Variants in CFAP61 observed in about 807,000 individuals in gnomAD.
CFAP61 encodes cilia- and flagella-associated protein 61.
In CFAP61, 107 loss-of-function variants were observed where a neutral mutation model predicts 135.6. That is an observed-to-expected ratio of 0.79 (90% CI 0.67 to 0.93). The LOEUF (loss-of-function observed/expected upper bound fraction) is 0.93. CFAP61 is among the 40% of genes least tolerant of loss of function. The pLI is 0.00. For synonymous variants in CFAP61, 575 were observed against 578.5 expected, an observed-to-expected ratio of 0.99 and a Z score of 0.09; for missense variants, 1,507 against 1,556.2, an observed-to-expected ratio of 0.97 and a Z score of 0.53.
chr20:20,140,664 C>T (rs1219510555), intron 8 of CFAP61, among the ~76,000 whole-genome samples: 1 of 152,006 alleles, frequency 6.6e-6, no homozygotes, highest in African/African-American at 2.4e-5. Flanking sequence ...GGCAATTCCT[C>T]AGGGATCTAG....
chr20:20,358,055 TGA>T (rs2059322586), intron 26 of CFAP61, among the ~76,000 whole-genome samples: 1 of 137,362 alleles, frequency 7.3e-6, no homozygotes, highest in South Asian at 2.4e-4. Flanking sequence ...GGTCATAGTG[TGA>T]GGGGAGGTGG....
intron 26 of CFAP61, among the ~76,000 whole-genome samples, chr20:20,351,969 A>G (rs1161419531): frequency 6.6e-6 from 1 of 152,226 alleles, no homozygotes; most frequent in African/African-American, 2.4e-5. Flanking sequence ...GGAAGGCATA[A>G]CACTACCTGA....
chr20:20,339,986 T>C (rs2058373811), intron 25 of CFAP61, among the ~76,000 whole-genome samples: 2 of 152,328 alleles, frequency 1.3e-5, no homozygotes, highest in South Asian at 4.1e-4. Context: ...CCCTCACTCC[T>C]CCTGGCCACC....
Position 20,159,384 on chromosome 20 carries a change from A to C in CFAP61, c.966A>C (p.Arg322Ser). The change falls in exon 10 of 27, where the codon AGA becomes AGC. Residue 322 changes from arginine (R) to serine (S), a missense_variant. Physicochemically the swap from Arg to Ser is moderately radical, Grantham distance 110 (BLOSUM62 -1). Transcript: ENST00000245957. ...ATCATTTCCAGGGAAATATTGCCAG[A>C]GAAGCTGCATCCGAGGAAGCTTTAA... The part of the protein sequence containing the change: ...TMENIQGNIA[R>S]EAASEEALTA... 1 of 1,613,918 alleles carries C rather than the reference A, an allele frequency of 6.2e-7. No homozygotes were observed. Among genetic ancestry groups the C allele is most frequent in the Non-Finnish European group, 8.5e-7 (1 of 1,179,790 alleles).
chr20:20,325,593 A>G (rs981048546), intron 25 of CFAP61, among the ~76,000 whole-genome samples: 3 of 152,192 alleles, frequency 2.0e-5, no homozygotes, highest in Non-Finnish European at 2.9e-5. Context: ...GTCTGGATAT[A>G]CCACAGTTTG....
intron 23 of CFAP61, among the ~76,000 whole-genome samples, chr20:20,289,315 C>T (rs2054831159): frequency 6.6e-6 from 1 of 152,004 alleles, no homozygotes; most frequent in African/African-American, 2.4e-5. Context: ...ATAAGGAGAC[C>T]CTTCCAGGCA....
intron 13 of CFAP61, among the ~76,000 whole-genome samples, chr20:20,172,780 T>TG (rs1487116315): frequency 6.6e-6 from 1 of 152,202 alleles, no homozygotes; most frequent in Non-Finnish European, 1.5e-5. Context: ...GAACCACCAC[T>TG]GACATATCAT....
intron 9 of CFAP61, among the ~76,000 whole-genome samples, chr20:20,143,327 G>C (rs2051574910): frequency 6.6e-6 from 1 of 152,088 alleles, no homozygotes; most frequent in Non-Finnish European, 1.5e-5. Flanking sequence ...TTTCCTTACT[G>C]CCCTGACTGG....
At chr20:20,191,217 A>C in intron 14 of CFAP61, 125 bp from the exon 15 acceptor site, 2 of 627,392 alleles carry the variant, frequency 3.2e-6, no homozygotes, top group South Asian at 5.5e-5. Flanking sequence ...CCTGGCCAAA[A>C]GTAGGTGTTG....
chr20:20,189,801 T>A (rs2055787055), intron 14 of CFAP61, among the ~76,000 whole-genome samples: 1 of 152,170 alleles, frequency 6.6e-6, no homozygotes, highest in Non-Finnish European at 1.5e-5. Flanking sequence ...ATTTATTTAT[T>A]TGTTTATTTT....
rs143528557 is a variant in CFAP61, at chr20:20,155,323, T to C, written c.952-4047T>C. Among the ~76,000 whole-genome samples, 437 of 152,292 alleles carry C rather than the reference T, an allele frequency of 2.9e-3. 2 individuals are homozygous for C. Among genetic ancestry groups the C allele is most frequent in the African/African-American group, 9.5e-3 (396 of 41,566 alleles). ...CTAAGAGGTAAAGCCGTAAAAATTC[T>C]AGAAGATAACATTGGAAAAAACTCT... On this transcript the variant is annotated intron_variant, in intron 9 of 26. Coordinates refer to ENST00000245957, the MANE Select transcript of CFAP61 (RefSeq NM_015585.4).
intron 6 of CFAP61, among the ~76,000 whole-genome samples, chr20:20,082,460 C>T (rs2046499136): frequency 6.6e-6 from 1 of 152,194 alleles, no homozygotes; most frequent in African/African-American, 2.4e-5. Flanking sequence ...TAAAGCATAG[C>T]TACTTCTGGA....
chr20:20,200,033 C>A, intron 17 of CFAP61, 131 bp downstream of exon 17: 1 of 1,087,886 alleles, frequency 9.2e-7, no homozygotes, highest in East Asian at 2.4e-5. Flanking sequence ...CATACCCTTA[C>A]AGGCGGAGCC....
chr20:20,290,249 C>T, intron 23 of CFAP61, 51 bp from the exon 24 acceptor site: 1 of 1,137,546 alleles, frequency 8.8e-7, no homozygotes, highest in Admixed American at 1.7e-5. Context: ...AGCTCTGTTA[C>T]TCACCTCATT....
intron 25 of CFAP61, among the ~76,000 whole-genome samples, chr20:20,338,632 C>T (rs1033699997): frequency 6.6e-5 from 10 of 151,490 alleles, no homozygotes; most frequent in East Asian, 1.9e-4. Flanking sequence ...CTTGAGATCC[C>T]GGCCTTTAAA....
intron 17 of CFAP61, chr20:20,225,422 CT>C (rs1346892736): frequency 6.6e-6 from 1 of 152,168 alleles, no homozygotes; most frequent in Non-Finnish European, 1.5e-5. Flanking sequence ...TACTGGTTGC[CT>C]GCTCTTGACA....
chr20:20,232,464 T>C (rs916526406), intron 18 of CFAP61, among the ~76,000 whole-genome samples: 4 of 152,044 alleles, frequency 2.6e-5, no homozygotes, highest in African/African-American at 4.8e-5. Flanking sequence ...ATCCTTTCAC[T>C]CCTGGTGTGG....
intron 2 of CFAP61, among the ~76,000 whole-genome samples, chr20:20,068,936 G>C (rs182393773): frequency 2.0e-4 from 30 of 152,304 alleles, no homozygotes; most frequent in African/African-American, 6.0e-4. Flanking sequence ...GTAGAAACAG[G>C]GTTTCACCAT....
chr20:20,345,346 T>C (rs1281030239), intron 26 of CFAP61, among the ~76,000 whole-genome samples: 1 of 152,240 alleles, frequency 6.6e-6, no homozygotes, highest in Non-Finnish European at 1.5e-5. Context: ...ATTGTATGCC[T>C]GTATCAAAAT....
Sources: gnomAD v4.1 joint callset for allele counts (sites outside exome capture counted in the v4.1 genomes callset) on GRCh38, gnomAD v4.1.1 for gene constraint, MANE v1.5 for transcripts, NCBI Gene and HGNC (gene_info 2026-07-23, HGNC 2026-07-21) for gene names.